The following SUGCT variants were observed in gnomAD, a reference collection of about 807,000 sequenced individuals.
SUGCT encodes the protein succinyl-CoA:glutarate-CoA transferase.
In SUGCT, 41 loss-of-function variants were observed where a neutral mutation model predicts 55.0. That is an observed-to-expected ratio of 0.74 (90% CI 0.58 to 0.97). The LOEUF is 0.97. Among genes scored for constraint, SUGCT ranks in the 50% least tolerant of loss-of-function variants. The pLI is 0.00. For missense variants in SUGCT, 568 were observed against 547.8 expected (o/e 1.04, Z -0.37); for synonymous variants, 187 against 200.4 (o/e 0.93, Z 0.56).
chr7:40,446,827 A>G (rs1427830276), intron 9 of SUGCT, among the ~76,000 whole-genome samples: 1 of 152,214 alleles, frequency 6.6e-6, no homozygotes, highest in Non-Finnish European at 1.5e-5. Context: ...ACTTTATGTT[A>G]TGATGGAAGT....
At chr7:40,447,662 T>C (rs750508964) in intron 9 of SUGCT, among the ~76,000 whole-genome samples, 1 of 152,040 alleles carries the variant, frequency 6.6e-6, no homozygotes, top group Non-Finnish European at 1.5e-5. Context: ...GGTATTTTTA[T>C]GGAGAACTGA....
At chr7:40,940,011 C>G in the SUGCT span, among the ~76,000 whole-genome samples, 3 of 151,990 alleles carry the variant, frequency 2.0e-5, no homozygotes, top group Non-Finnish European at 4.4e-5. Context: ...GGTTTCAGGT[C>G]TTAGATTTAA....
chr7:40,170,242 G>A (rs566849221), intron 1 of SUGCT, among the ~76,000 whole-genome samples: 9 of 152,208 alleles, frequency 5.9e-5, no homozygotes, highest in Admixed American at 4.6e-4. Flanking sequence ...CCAGACTCTC[G>A]GGCTGCAGTT....
the SUGCT span, among the ~76,000 whole-genome samples, chr7:40,951,306 T>G: frequency 6.6e-6 from 1 of 151,762 alleles, no homozygotes; most frequent in Admixed American, 6.6e-5. Flanking sequence ...GGTGGTGATA[T>G]CCTATCATTT....
At chr7:40,289,470 T>C (rs1243497302) in intron 8 of SUGCT, among the ~76,000 whole-genome samples, 3 of 152,072 alleles carry the variant, frequency 2.0e-5, no homozygotes, top group African/African-American at 4.8e-5. Context: ...TATTATAATA[T>C]CTCTCAACAA....
At chr7:40,478,302 G>A (rs1428053300) in intron 11 of SUGCT, among the ~76,000 whole-genome samples, 1 of 152,054 alleles carries the variant, frequency 6.6e-6, no homozygotes, top group Non-Finnish European at 1.5e-5. Flanking sequence ...CACCATGTCT[G>A]GCCTCCTAAT....
At chr7:40,324,995 G>A (rs1795958489) in intron 9 of SUGCT, among the ~76,000 whole-genome samples, 1 of 152,068 alleles carries the variant, frequency 6.6e-6, no homozygotes, top group African/African-American at 2.4e-5. Context: ...TCCAATTTGG[G>A]CTTATTCAAC....
intron 9 of SUGCT, among the ~76,000 whole-genome samples, chr7:40,346,884 A>G (rs1226915427): frequency 6.6e-6 from 1 of 152,188 alleles, no homozygotes; most frequent in African/African-American, 2.4e-5. Context: ...TGCCCTCACC[A>G]TTTGCCAATC....
In SUGCT at chr7:40,527,365, C is replaced by T. The variant is rs1368345580; in HGVS notation, c.1089+30979C>T. On this transcript the variant is annotated intron_variant, in intron 12 of 13. Transcript: ENST00000335693. ...TGACACAAAACTCTTTCAATCAGTT[C>T]CAAATCTGGCAACTCTCTTGTTGCA... 2.0e-5 allele frequency among the ~76,000 whole-genome samples: 3 copies of T among 152,206 alleles called. No homozygotes were observed. In the East Asian group the frequency reaches 5.8e-4, roughly 29 times the overall value.
chr7:40,741,979 G>A (rs936347538), intron 12 of SUGCT, among the ~76,000 whole-genome samples: 1 of 152,166 alleles, frequency 6.6e-6, no homozygotes, highest in South Asian at 2.1e-4. Context: ...AGAAGAGGGA[G>A]GGACTGGGTA....
At chr7:40,547,349 A>G (rs1160697193) in intron 12 of SUGCT, among the ~76,000 whole-genome samples, 1 of 152,232 alleles carries the variant, frequency 6.6e-6, no homozygotes, top group Non-Finnish European at 1.5e-5. Flanking sequence ...ATAATGGTTG[A>G]CCAAATGTCT....
At chr7:40,712,528 GAA>G (rs1785781963) in intron 12 of SUGCT, among the ~76,000 whole-genome samples, 1 of 152,198 alleles carries the variant, frequency 6.6e-6, no homozygotes, top group East Asian at 1.9e-4. Context: ...CCTCTGTAGA[GAA>G]AAAGAGTTTA....
chr7:40,986,263 G>T, the SUGCT span, among the ~76,000 whole-genome samples: 1 of 152,196 alleles, frequency 6.6e-6, no homozygotes, highest in African/African-American at 2.4e-5. Flanking sequence ...TGTATCATGT[G>T]TCATTGAGCT....
chr7:40,401,434 C>A (rs947690615), intron 9 of SUGCT, among the ~76,000 whole-genome samples: 1 of 152,102 alleles, frequency 6.6e-6, no homozygotes, highest in African/African-American at 2.4e-5. Flanking sequence ...GCTCTGTGGA[C>A]TGGACAAGGA....
chr7:40,828,656 A>G (rs190196830), intron 13 of SUGCT, among the ~76,000 whole-genome samples: 5 of 152,234 alleles, frequency 3.3e-5, no homozygotes, highest in Non-Finnish European at 1.5e-5. Context: ...TACCCTTTAC[A>G]TTAATTTGAA....
intron 12 of SUGCT, among the ~76,000 whole-genome samples, chr7:40,635,553 C>T (rs1445810817): frequency 3.3e-5 from 5 of 152,150 alleles, no homozygotes; most frequent in African/African-American, 1.2e-4. Context: ...ATTAAATTAA[C>T]ACAAAATAGC....
At chr7:40,230,361 A>G (rs1788648839) in intron 6 of SUGCT, among the ~76,000 whole-genome samples, 2 of 152,222 alleles carry the variant, frequency 1.3e-5, no homozygotes, top group African/African-American at 4.8e-5. Flanking sequence ...GGGCTAGGTC[A>G]CAAACAATTC....
At chr7:40,525,957 C>T (rs1293606112) in intron 12 of SUGCT, among the ~76,000 whole-genome samples, 1 of 152,126 alleles carries the variant, frequency 6.6e-6, no homozygotes, top group Non-Finnish European at 1.5e-5. Context: ...GTCTCCAAGG[C>T]TATTAAGTGC....
chr7:40,523,421 A>G (rs1397169965), intron 12 of SUGCT, among the ~76,000 whole-genome samples: 1 of 152,118 alleles, frequency 6.6e-6, no homozygotes, highest in Non-Finnish European at 1.5e-5. Context: ...GGAAAAGACT[A>G]TGATGTCAAA....
Sources: allele counts gnomAD v4.1 joint callset (sites outside exome capture counted in the v4.1 genomes callset), GRCh38; gene constraint gnomAD v4.1.1; transcripts MANE v1.5; gene names NCBI Gene and HGNC (gene_info 2026-07-23, HGNC 2026-07-21).